The following TMEM232 variants were observed in gnomAD, a reference collection of about 807,000 sequenced individuals.
The protein encoded by TMEM232 is transmembrane protein 232.
Under a neutral mutation model 78.8 loss-of-function variants are expected in TMEM232, and 80 were observed. The ratio of observed to expected loss-of-function variants is 1.01; its 90% CI spans 0.85 to 1.22. The LOEUF is 1.22. TMEM232 is among the 50% of genes most tolerant of loss of function. The pLI, the probability that TMEM232 is intolerant of heterozygous loss-of-function variation, is 0.00. For missense variants in TMEM232, 881 were observed against 742.2 expected (o/e 1.19, Z -2.17); for synonymous variants, 297 against 254.3 (o/e 1.17, Z -1.60).
At chr5:110,510,868 T>C (rs1000651150) in intron 12 of TMEM232, among the ~76,000 whole-genome samples, 2 of 152,194 alleles carry the variant, frequency 1.3e-5, no homozygotes, top group South Asian at 2.1e-4. Flanking sequence ...AGTTCAACCA[T>C]TGTAGAAGAC....
chr5:110,528,931 C>T lies in TMEM232; in HGVS notation c.1456-96G>A, dbSNP rs1406407984. The T allele has an allele frequency of 5.5e-6, 6 of 1,095,956 alleles. No homozygotes were observed. The East Asian group carries it at 1.9e-4, about 35-fold the overall frequency. The allele number at this position is 1,095,956 out of a possible 1,614,324, so 67.9% of individuals were successfully genotyped here. On this transcript the variant is annotated intron_variant, in intron 11 of 13. Transcript: ENST00000455884. ...AAATTTTTTAAAGTATCTTTATTTT[C>T]TTTGACTAATATTGCATTTTTCCTG...
upstream of TMEM232, among the ~76,000 whole-genome samples, chr5:110,729,552 C>T (rs191830562): frequency 1.1e-4 from 16 of 152,266 alleles, no homozygotes; most frequent in Non-Finnish European, 1.9e-4. Flanking sequence ...AAGCCAAAAA[C>T]GGCAGATTAT....
At chr5:110,443,380 G>A (rs1057135341) in intron 12 of TMEM232, among the ~76,000 whole-genome samples, 1 of 152,090 alleles carries the variant, frequency 6.6e-6, no homozygotes, top group Non-Finnish European at 1.5e-5. Context: ...TGGCCCATGG[G>A]GAATTCTGCC....
chr5:110,708,650 G>C (rs933437982), intron 1 of TMEM232, among the ~76,000 whole-genome samples: 9 of 152,166 alleles, frequency 5.9e-5, no homozygotes, highest in Non-Finnish European at 1.2e-4. Context: ...CAGCACTGTT[G>C]TCATCAGTTT....
chr5:110,411,798 G>T (rs1252840888), intron 2 of TMEM232, among the ~76,000 whole-genome samples: 1 of 152,108 alleles, frequency 6.6e-6, no homozygotes, highest in Non-Finnish European at 1.5e-5. Flanking sequence ...ATATTCCATT[G>T]TATGTATATA....
At chr5:110,494,450 A>G (rs899037367) in intron 12 of TMEM232, among the ~76,000 whole-genome samples, 1 of 152,108 alleles carries the variant, frequency 6.6e-6, no homozygotes, top group African/African-American at 2.4e-5. Flanking sequence ...ATAGTACTAC[A>G]TGTTGATGAG....
chr5:110,494,006 G>A (rs1484178976), intron 12 of TMEM232, among the ~76,000 whole-genome samples: 1 of 151,918 alleles, frequency 6.6e-6, no homozygotes, highest in Non-Finnish European at 1.5e-5. Flanking sequence ...GTCCAACTCA[G>A]AACATGCGGT....
intron 12 of TMEM232, among the ~76,000 whole-genome samples, chr5:110,510,143 C>T (rs781403571): frequency 2.6e-5 from 4 of 152,124 alleles, no homozygotes; most frequent in Non-Finnish European, 5.9e-5. Flanking sequence ...TGACTTTAAT[C>T]GTCACATTTA....
chr5:110,518,830 CCTT>C (rs575357157), intron 12 of TMEM232, among the ~76,000 whole-genome samples: 142 of 152,028 alleles, frequency 9.3e-4, no homozygotes, highest in African/African-American at 3.2e-3. Flanking sequence ...TGATTTAGCA[CCTT>C]CTTCAAGAAA....
chr5:110,536,766 G>A (rs1418485094), intron 11 of TMEM232, among the ~76,000 whole-genome samples: 1 of 152,148 alleles, frequency 6.6e-6, no homozygotes, highest in African/African-American at 2.4e-5. Context: ...CAAGTCAGAG[G>A]GTCTGGGAAT....
Position 110,620,771 on chromosome 5 carries a change from A to T in TMEM232, c.769-2209T>A, listed in dbSNP as rs187596603. Among the ~76,000 whole-genome samples the T allele has an allele frequency of 1.6e-4, 25 of 151,606 alleles. No homozygotes were observed. The East Asian group carries it at 4.9e-3, about 29-fold the overall frequency. On this transcript the variant is annotated intron_variant, in intron 7 of 13. Transcript: ENST00000455884. ...TTGGCAGTAGAACATTGACATCATC[A>T]AGAGGAAAGGAACCTGCCACACCTG...
At chr5:110,678,700 C>A (rs189357854) in intron 1 of TMEM232, among the ~76,000 whole-genome samples, 1 of 152,110 alleles carries the variant, frequency 6.6e-6, no homozygotes, top group Non-Finnish European at 1.5e-5. Context: ...CCCGACCCCC[C>A]ACCATGCCTG....
intron 12 of TMEM232, among the ~76,000 whole-genome samples, chr5:110,511,932 C>A (rs1402315492): frequency 4.6e-5 from 7 of 152,118 alleles, no homozygotes; most frequent in Admixed American, 4.6e-4. Context: ...GCTCCATGGT[C>A]CCTTGCACCA....
intron 4 of TMEM232, among the ~76,000 whole-genome samples, chr5:110,640,116 T>C (rs2150011649): frequency 6.6e-6 from 1 of 152,350 alleles, no homozygotes; most frequent in Admixed American, 6.5e-5. Context: ...CAGCCTCTTC[T>C]TGCTGGTAAA....
At chr5:110,397,461 C>G (rs1252670194) in intron 3 of TMEM232, among the ~76,000 whole-genome samples, 1 of 151,896 alleles carries the variant, frequency 6.6e-6, no homozygotes, top group African/African-American at 2.4e-5. Flanking sequence ...ACTTGTATGC[C>G]CTCCTCAGTA....
chr5:110,505,962 C>T (rs996530180), intron 12 of TMEM232, among the ~76,000 whole-genome samples: 3 of 152,190 alleles, frequency 2.0e-5, no homozygotes, highest in African/African-American at 7.2e-5. Flanking sequence ...CTGGTCAGTT[C>T]AACAGTGCTG....
rs185432565 is a variant in TMEM232 at position 110,484,032 on chromosome 5, C to T, written c.1703+44556G>A. On this transcript the variant is annotated intron_variant, in intron 12 of 13. Coordinates refer to ENST00000455884, the MANE Select transcript of TMEM232 (RefSeq NM_001039763.4). ...CAGCAACATGGATGCAGCTGGAGGC[C>T]ATCATTCTAAGTGAATTAACATAGG... Among the ~76,000 whole-genome samples the T allele has an allele frequency of 4.2e-3, 638 of 152,258 alleles. 3 individuals carry two copies. The highest frequency in any genetic ancestry group is 0.015 in the African/African-American group (616 of 41,554).
At chr5:110,680,996 G>A (rs1295894548) in intron 1 of TMEM232, among the ~76,000 whole-genome samples, 1 of 151,906 alleles carries the variant, frequency 6.6e-6, no homozygotes, top group African/African-American at 2.4e-5. Context: ...GGTGAGGGCA[G>A]AGTGAAATGG....
At chr5:110,587,958 T>TATA (rs200272392) in intron 10 of TMEM232, among the ~76,000 whole-genome samples, 1 of 151,542 alleles carries the variant, frequency 6.6e-6, no homozygotes, top group Admixed American at 6.6e-5. Context: ...TATATATATA[T>TATA]TTTTTTAAAG....
Sources: gnomAD v4.1 joint callset for allele counts (sites outside exome capture counted in the v4.1 genomes callset) on GRCh38, gnomAD v4.1.1 for gene constraint, MANE v1.5 for transcripts, NCBI Gene and HGNC (gene_info 2026-07-23, HGNC 2026-07-21) for gene names.